ANKMY1: variants seen among roughly 807,000 people sequenced by gnomAD.
ANKMY1 encodes ankyrin repeat and MYND domain containing 1.
Under a neutral mutation model 102.0 loss-of-function variants are expected in ANKMY1, and 98 were observed. That is an observed-to-expected ratio of 0.96 (90% confidence interval 0.82 to 1.14). The LOEUF is 1.14. ANKMY1 is among the 50% of genes most tolerant of loss of function. ANKMY1 has a pLI of 0.00. For missense variants in ANKMY1, 1,330 were observed against 1,347.6 expected (o/e 0.99, Z 0.20); for synonymous variants, 582 against 559.9 (o/e 1.04, Z -0.56).
chr2:240,523,519 C>G (rs978223475), intron 8 of ANKMY1: 4 of 296,344 alleles, frequency 1.3e-5, no homozygotes, highest in African/African-American at 2.1e-5. Context: ...GCTGCCCAGG[C>G]AGGTGTCACT....
intron 12 of ANKMY1, among the ~76,000 whole-genome samples, chr2:240,508,116 A>T (rs1037849210): frequency 6.6e-6 from 1 of 152,226 alleles, no homozygotes; most frequent in African/African-American, 2.4e-5. Flanking sequence ...GCACCGGGGC[A>T]CCAGTGTCAA....
At chr2:240,548,188 G>A (rs1273743827) in intron 4 of ANKMY1, among the ~76,000 whole-genome samples, 1 of 152,130 alleles carries the variant, frequency 6.6e-6, no homozygotes, top group Admixed American at 6.5e-5. Context: ...CTTCATCCCT[G>A]GGATGCAAGG....
chr2:240,546,443 C>A (rs2090388240), intron 4 of ANKMY1, among the ~76,000 whole-genome samples: 1 of 152,310 alleles, frequency 6.6e-6, no homozygotes, highest in South Asian at 2.1e-4. Context: ...TAGGAAGAAA[C>A]TGCATCAACT....
At chr2:240,497,071 TC>T (rs2077359966) in intron 15 of ANKMY1, among the ~76,000 whole-genome samples, 1 of 151,972 alleles carries the variant, frequency 6.6e-6, no homozygotes, top group Admixed American at 6.6e-5. Context: ...TTCCTGGCCA[TC>T]TTGGAAGCTG....
At chr2:240,493,938 ATGAAAATTCTCTGGGTCCCAAACAG>A (rs1251957218) in intron 15 of ANKMY1, among the ~76,000 whole-genome samples, 1 of 152,202 alleles carries the variant, frequency 6.6e-6, no homozygotes, top group Admixed American at 6.5e-5. Flanking sequence ...TACCAATGGC[ATGAAAATTCTCTGGGTCCCAAACAG>A]TGTGTACTGA....
intron 8 of ANKMY1, among the ~76,000 whole-genome samples, chr2:240,521,295 T>C (rs1048501078): frequency 6.6e-6 from 1 of 151,242 alleles, no homozygotes; most frequent in African/African-American, 2.5e-5. Context: ...TCCAGCCCAG[T>C]CTCCAGACCC....
chr2:240,532,793 T>C (rs931819492), intron 4 of ANKMY1, among the ~76,000 whole-genome samples: 51 of 152,182 alleles, frequency 3.4e-4, no homozygotes, highest in Admixed American at 2.9e-3. Flanking sequence ...TGTCCTCAAA[T>C]TCCTGGGCTC....
In ANKMY1 at chr2:240,513,080, G is replaced by C; in HGVS notation, c.2005-138C>G. On this transcript the variant is annotated intron_variant, in intron 9 of 17. Transcript: ENST00000401804. The stretch of plus-strand genomic sequence containing the variant: ...TTCTCAGCCTCACCTGCCTCACAAC[G>C]TGCAGGCTACTGGTCCCTGAAGGCA... 9.7e-6 allele frequency: 12 copies of C among 1,239,072 alleles called. No individual in the cohort carries two copies. In the South Asian group the frequency reaches 1.5e-4, roughly 16 times the overall value. The allele number at this position is 1,239,072 out of a possible 1,614,324, so 76.8% of individuals were successfully genotyped here. A position where few individuals can be genotyped will look rare whatever the true frequency, so the allele number is the denominator to read the frequency against.
At chr2:240,521,709 A>G (rs1334398370) in intron 8 of ANKMY1, among the ~76,000 whole-genome samples, 2 of 152,022 alleles carry the variant, frequency 1.3e-5, no homozygotes, top group East Asian at 1.9e-4. Context: ...CGTGTTAGCC[A>G]GGATGGTCTC....
chr2:240,480,840 T>C, intron 17 of ANKMY1, 97 bp downstream of exon 17: 1 of 1,447,836 alleles, frequency 6.9e-7, no homozygotes, highest in African/African-American at 1.4e-5. Context: ...TGGAGAGATT[T>C]TGGGAAATGA....
rs532229933 is a variant in ANKMY1, at chr2:240,500,713, G to A, written c.2527-148C>T. On this transcript the variant is annotated intron_variant, in intron 13 of 17. Transcript: ENST00000401804. ...CGGGAATGCCCATGAGACAAACGGGGAGAGGGAGATGGAGACGGGGCTGAC... is the reference window on the plus strand; with the variant it reads ...CGGGAATGCCCATGAGACAAACGGGAAGAGGGAGATGGAGACGGGGCTGAC... 1.4e-5 allele frequency: 9 copies of A among 643,682 alleles called. No homozygotes were observed. The Middle Eastern group carries it at 1.6e-3, about 111-fold the overall frequency. 39.9% of individuals were successfully genotyped at this position (643,682 alleles called of 1,614,324 possible).
intron 13 of ANKMY1, among the ~76,000 whole-genome samples, chr2:240,504,779 G>A (rs1559270014): frequency 6.6e-6 from 1 of 152,128 alleles, no homozygotes; most frequent in African/African-American, 2.4e-5. Context: ...GGCCAAGACA[G>A]GTGGATCGCT....
At chr2:240,478,026 A>C (rs968377455), downstream of ANKMY1, among the ~76,000 whole-genome samples, 3 of 152,160 alleles carry the variant, frequency 2.0e-5, no homozygotes, top group Non-Finnish European at 2.9e-5. Context: ...TCCCGGGGGC[A>C]GACTTCCCCA....
intron 13 of ANKMY1, among the ~76,000 whole-genome samples, chr2:240,501,954 CATG>C (rs1229598162): frequency 6.6e-6 from 1 of 152,216 alleles, no homozygotes; most frequent in East Asian, 1.9e-4. Flanking sequence ...CTGCGGAAGC[CATG>C]ATAACTTGCC....
chr2:240,496,548 A>G (rs1281857636), intron 15 of ANKMY1, among the ~76,000 whole-genome samples: 4 of 151,902 alleles, frequency 2.6e-5, no homozygotes, highest in Non-Finnish European at 5.9e-5. Context: ...GGATATTACT[A>G]TCTGTTTGCT....
chr2:240,520,052 TAA>T lies in ANKMY1; in HGVS notation c.2004+308_2004+309del, dbSNP rs758465156. 2.1e-5 allele frequency: 12 copies of T among 571,566 alleles called. No individual in the cohort carries two copies. The highest frequency in any genetic ancestry group is 3.1e-5 in the Non-Finnish European group (9 of 291,994). The allele number at this position is 571,566 out of a possible 1,614,324, so 35.4% of individuals were successfully genotyped here. A position where few individuals can be genotyped will look rare whatever the true frequency, so the allele number is the denominator to read the frequency against. ...AAGGAGGCCCGCCTCCTCCTGAATA[TAA>T]GTCTCCCCTTTCCAAGGGGCCTTCA... On this transcript the variant is annotated intron_variant, in intron 9 of 17. Transcript: ENST00000401804. This position sits in a 1 kb window ranked among gnomAD's most constrained non-coding sequence, Gnocchi z 4.8.
rs764255590 is a variant in ANKMY1 at position 240,499,950 on chromosome 2, C to T, written c.2806+8G>A. On this transcript the variant is annotated splice_region_variant and intron_variant, in intron 15 of 17. Coordinates refer to ENST00000401804, the MANE Select transcript of ANKMY1 (RefSeq NM_001282771.3). This position sits in a 1 kb window ranked among gnomAD's most constrained non-coding sequence, Gnocchi z 4.2. ...GTGGAGCAGAGCAGAGCAGGGCCCA[C>T]TGCTCACCTCTCTTGCACAGGTACA... 6.2e-7 allele frequency: 1 copy of T among 1,609,942 alleles called. No individual in the cohort carries two copies. Among genetic ancestry groups the T allele is most frequent in the Admixed American group, 1.7e-5 (1 of 59,794 alleles).
chr2:240,500,202 T>A (rs1363755336), intron 14 of ANKMY1, 79 bp from the exon 15 acceptor site: 1 of 1,452,522 alleles, frequency 6.9e-7, no homozygotes, highest in East Asian at 2.5e-5. Flanking sequence ...GATCGAGGGC[T>A]CCTGTCAGCT....
chr2:240,537,061 AAAAG>A (rs2086959498), intron 4 of ANKMY1, among the ~76,000 whole-genome samples: 1 of 152,110 alleles, frequency 6.6e-6, no homozygotes, highest in Non-Finnish European at 1.5e-5. Context: ...AAAAAGAAGA[AAAAG>A]AAAAGAAAAA....
Sources: allele counts gnomAD v4.1 joint callset (sites outside exome capture counted in the v4.1 genomes callset), GRCh38; gene constraint gnomAD v4.1.1; non-coding constraint Gnocchi (gnomAD v3.1); transcripts MANE v1.5; gene names NCBI Gene and HGNC (gene_info 2026-07-23, HGNC 2026-07-21).